Variants in EPSTI1 observed in about 807,000 individuals in gnomAD.
EPSTI1 encodes epithelial stromal interaction 1, also known as epithelial-stromal interaction protein 1.
EPSTI1 carries 66 observed loss-of-function variants against 49.9 expected under a neutral mutation model. The observed-to-expected ratio is 1.32, with a 90% CI of 1.08 to 1.62. The LOEUF is 1.62. Among genes scored for constraint, EPSTI1 ranks in the 40% most tolerant of loss-of-function variants. The probability of loss-of-function intolerance (pLI) is 0.00; values close to 1 mark genes in which losing one functional copy is unlikely to be tolerated. For missense variants in EPSTI1, 394 were observed against 365.5 expected (o/e 1.08, Z -0.64); for synonymous variants, 137 against 130.7 (o/e 1.05, Z -0.33).
At chr13:42,969,287 CA>C (rs1417632800) in intron 2 of EPSTI1, 110 bp from the exon 3 acceptor site, 1 of 1,018,784 alleles carries the variant, frequency 9.8e-7, no homozygotes, top group African/African-American at 1.6e-5. Flanking sequence ...TATATGTGAG[CA>C]TGAGTGAACA....
chr13:42,954,996 A>C (rs1323085210), intron 5 of EPSTI1, among the ~76,000 whole-genome samples: 3 of 152,242 alleles, frequency 2.0e-5, no homozygotes, highest in African/African-American at 7.2e-5. Context: ...TTTCCATGAA[A>C]GTCTTCATTC....
intron 1 of EPSTI1, among the ~76,000 whole-genome samples, chr13:42,979,349 C>T (rs1331731865): frequency 2.6e-5 from 4 of 152,002 alleles, no homozygotes; most frequent in East Asian, 1.9e-4. Context: ...GAGACTGAGG[C>T]GGGTGGATCA....
Position 42,888,214 on chromosome 13 carries a change from T to A in EPSTI1, c.*280A>T. ...AAAGCATCAAGTGACTCCCTCTTTT[T>A]CTACCCTACCAACATCACTCTAATT... On this transcript the variant is annotated 3_prime_UTR_variant, in exon 11 of 11. Transcript: ENST00000313624. 1 of 1,605,456 alleles carries A rather than the reference T, an allele frequency of 6.2e-7. No individual in the cohort carries two copies.
intron 10 of EPSTI1, among the ~76,000 whole-genome samples, chr13:42,890,308 T>TTTC: frequency 6.7e-6 from 1 of 149,470 alleles, no homozygotes; most frequent in African/African-American, 2.4e-5. Flanking sequence ...TTTTTTTTTT[T>TTTC]TTTTTTTGAG....
Position 42,980,214 on chromosome 13 carries a change from TAAGCCA to T in EPSTI1, c.189-9550_189-9545del, listed in dbSNP as rs530252949. Among the ~76,000 whole-genome samples, 257 of 152,110 alleles carry T rather than the reference TAAGCCA, an allele frequency of 1.7e-3. 1 individual carries two copies. The highest frequency in any genetic ancestry group is 6.0e-3 in the African/African-American group (250 of 41,514). On this transcript the variant is annotated intron_variant, in intron 1 of 10. Coordinates refer to ENST00000313624, the MANE Select transcript of EPSTI1 (RefSeq NM_033255.5). ...GTTGTTTCCTTGTGCAACTAAATAA[TAAGCCA>T]AAGTGAAAAACAAGATCCGTCTATA...
chr13:42,894,323 A>G (rs2037124794), intron 10 of EPSTI1, among the ~76,000 whole-genome samples: 1 of 152,206 alleles, frequency 6.6e-6, no homozygotes, highest in African/African-American at 2.4e-5. Context: ...AGTGAGAGAG[A>G]GAGAAGGTAG....
chr13:42,972,685 T>C (rs775570151), intron 1 of EPSTI1, among the ~76,000 whole-genome samples: 1 of 152,162 alleles, frequency 6.6e-6, no homozygotes, highest in Non-Finnish European at 1.5e-5. Context: ...TGGGCACTTA[T>C]TATGGATTTA....
At chr13:42,926,763 A>G (rs148875162) in intron 6 of EPSTI1, among the ~76,000 whole-genome samples, 217 of 152,288 alleles carry the variant, frequency 1.4e-3, no homozygotes, top group African/African-American at 4.9e-3. Flanking sequence ...TCCTATCTGA[A>G]CATTTAATGC....
intron 9 of EPSTI1, among the ~76,000 whole-genome samples, chr13:42,898,577 AG>A (rs1395706267): frequency 2.9e-4 from 44 of 152,262 alleles, no homozygotes; most frequent in Admixed American, 2.8e-3. Context: ...TAGAATCAAA[AG>A]AAAGAAAAAA....
intron 5 of EPSTI1, among the ~76,000 whole-genome samples, chr13:42,956,780 T>A (rs1448900486): frequency 6.6e-6 from 1 of 152,218 alleles, no homozygotes; most frequent in Admixed American, 6.5e-5. Flanking sequence ...GAGAATATGT[T>A]AGCTCAAGGA....
In EPSTI1 at chr13:42,989,591, G is replaced by GCT. The variant is rs1245369879; in HGVS notation, c.188+2386_188+2387insAG. Reference sequence around the variant, plus strand: ...TCTTTTTTTTTTTTTTTTGCTTTTTGTTTTGTTTTGTTTTGTTTTTGAGAC... The same window carrying GCT: ...TCTTTTTTTTTTTTTTTTGCTTTTTGCTTTTTGTTTTGTTTTGTTTTTGAGAC... On this transcript the variant is annotated intron_variant, in intron 1 of 10. Coordinates refer to ENST00000313624, the MANE Select transcript of EPSTI1 (RefSeq NM_033255.5). Among the ~76,000 whole-genome samples, 487 of 52,352 alleles carry GCT rather than the reference G, an allele frequency of 9.3e-3. 2 individuals carry two copies. Among genetic ancestry groups the GCT allele is most frequent in the South Asian group, 0.061 (81 of 1,322 alleles). The allele number at this position is 52,352 out of a possible 152,430, so 34.3% of individuals were successfully genotyped here.
At chr13:42,936,702 C>T (rs1422756009) in intron 6 of EPSTI1, among the ~76,000 whole-genome samples, 1 of 152,134 alleles carries the variant, frequency 6.6e-6, no homozygotes, top group Non-Finnish European at 1.5e-5. Flanking sequence ...AATATAATTC[C>T]TAAATTTATA....
At chr13:42,929,968 T>G (rs922840451) in intron 6 of EPSTI1, among the ~76,000 whole-genome samples, 8 of 152,204 alleles carry the variant, frequency 5.3e-5, no homozygotes, top group African/African-American at 1.9e-4. Flanking sequence ...TGGTGCTTCC[T>G]AGAAATTACT....
intron 9 of EPSTI1, among the ~76,000 whole-genome samples, chr13:42,895,484 G>C (rs776723048): frequency 1.3e-5 from 2 of 152,198 alleles, no homozygotes; most frequent in Non-Finnish European, 2.9e-5. Context: ...ACATGAAGAA[G>C]AACCAAAGAT....
intron 8 of EPSTI1, among the ~76,000 whole-genome samples, chr13:42,906,736 C>T (rs560823177): frequency 3.9e-4 from 60 of 152,266 alleles, no homozygotes; most frequent in African/African-American, 1.4e-3. Context: ...AGCTACCACC[C>T]AAAATTTTCA....
chr13:42,902,002 G>C (rs2037374166), intron 8 of EPSTI1, among the ~76,000 whole-genome samples: 1 of 148,456 alleles, frequency 6.7e-6, no homozygotes, highest in Admixed American at 6.8e-5. Context: ...CCACCTATGA[G>C]TGAGAATATG....
At position 42,889,511 on chromosome 13, in the gene EPSTI1, G is replaced by A. The variant is rs557667468; in HGVS notation, c.916-1009C>T. Among the ~76,000 whole-genome samples, 164 of 152,124 alleles carry A rather than the reference G, an allele frequency of 1.1e-3. 1 individual carries two copies. The highest frequency in any genetic ancestry group is 2.0e-3 in the Non-Finnish European group (134 of 68,000). ...CTGTCTCTGGCTTTTTACTGGTTCC[G>A]ATATTTCCTCCAAGCCTCTGTGAAT... On this transcript the variant is annotated intron_variant, in intron 10 of 10. Transcript: ENST00000313624.
intron 2 of EPSTI1, 39 bp downstream of exon 2, chr13:42,970,573 G>A (rs777806998): frequency 1.3e-6 from 2 of 1,519,784 alleles, no homozygotes; most frequent in Non-Finnish European, 1.8e-6. Flanking sequence ...TGTAAAAAGA[G>A]AGAAGCATTC....
intron 6 of EPSTI1, among the ~76,000 whole-genome samples, chr13:42,951,595 T>C (rs1421638068): frequency 1.3e-5 from 2 of 152,198 alleles, no homozygotes; most frequent in Admixed American, 1.3e-4. Flanking sequence ...AAAAGGGTGA[T>C]TGATCTTCTG....
Sources: gnomAD v4.1 joint callset for allele counts (sites outside exome capture counted in the v4.1 genomes callset) on GRCh38, gnomAD v4.1.1 for gene constraint, MANE v1.5 for transcripts, NCBI Gene and HGNC (gene_info 2026-07-23, HGNC 2026-07-21) for gene names.